The following MBTPS1 variants were observed in gnomAD, a reference collection of about 807,000 sequenced individuals.
MBTPS1 encodes membrane-bound transcription factor site-1 protease.
Under a neutral mutation model 127.8 loss-of-function variants are expected in MBTPS1, and 94 were observed. That is an observed-to-expected ratio of 0.74 (90% CI 0.62 to 0.87). The LOEUF (loss-of-function observed/expected upper bound fraction) is 0.87. Among genes scored for constraint, MBTPS1 ranks in the 40% least tolerant of loss-of-function variants. The probability of loss-of-function intolerance (pLI) is 0.00; values close to 1 mark genes in which losing one functional copy is unlikely to be tolerated. For synonymous variants in MBTPS1, 632 were observed against 509.4 expected, an observed-to-expected ratio of 1.24 and a Z score of -3.24; for missense variants, 1,636 against 1,353.2, an observed-to-expected ratio of 1.21 and a Z score of -3.28.
At chr16:84,099,687 G>C (rs1231774394) in intron 2 of MBTPS1, among the ~76,000 whole-genome samples, 3 of 150,748 alleles carry the variant, frequency 2.0e-5, no homozygotes, top group Non-Finnish European at 2.9e-5. Flanking sequence ...TAAGGCAGGA[G>C]AATCACTTGA....
At chr16:84,085,766 CTT>C (rs2086013562) in intron 9 of MBTPS1, among the ~76,000 whole-genome samples, 1 of 151,840 alleles carries the variant, frequency 6.6e-6, no homozygotes, top group African/African-American at 2.4e-5. Context: ...TGGACACTGG[CTT>C]ATCACCAAGA....
chr16:84,102,060 C>A lies in MBTPS1; in HGVS notation c.-277G>T. ...TGAGTCCTGTACTCCATTTGTACCACAGAACCAACGTCCAATGGGGTTGAT... is the reference window on the plus strand; with the variant it reads ...TGAGTCCTGTACTCCATTTGTACCAAAGAACCAACGTCCAATGGGGTTGAT... On this transcript the variant is annotated 5_prime_UTR_variant, in exon 2 of 23. Transcript: ENST00000343411. 3.0e-6 allele frequency: 1 copy of A among 330,328 alleles called. No individual in the cohort carries two copies. The allele number at this position is 330,328 out of a possible 1,614,324, so 20.5% of individuals were successfully genotyped here. A position where few individuals can be genotyped will look rare whatever the true frequency, so the allele number is the denominator to read the frequency against.
At position 84,093,225 on chromosome 16, in the gene MBTPS1, G is replaced by C. The variant is rs746329579; in HGVS notation, c.809C>G (p.Ala270Gly). 3 of 1,613,942 alleles carry C rather than the reference G, an allele frequency of 1.9e-6. No homozygotes were observed. The South Asian group carries it at 3.3e-5, about 18-fold the overall frequency. The change falls in exon 6 of 23, where the codon GCA (alanine) becomes GGA (glycine). Residue 270 changes from alanine (A) to glycine (G), a missense_variant. By Grantham distance (60) the Ala-to-Gly change is moderately conservative (BLOSUM62 0). Transcript: ENST00000343411. Reference sequence around the variant, plus strand: ...AAAGACCCTGAAAATGTGAAGTTCTGCATCTGGAGCAAATCCTTGGCACTC... The same window carrying C: ...AAAGACCCTGAAAATGTGAAGTTCTCCATCTGGAGCAAATCCTTGGCACTC... ...MRECQGFAPD[A>G]ELHIFRVFTN...
Position 84,066,607 on chromosome 16 carries a change from C to T in MBTPS1, c.2235G>A (p.Trp745Ter). The change falls in exon 17 of 23, where the codon TGG becomes TGA. Residue 745 changes from tryptophan to a stop codon, truncating the protein, a stop_gained. Coordinates refer to ENST00000343411, the MANE Select transcript of MBTPS1 (RefSeq NM_003791.4). LOFTEE classifies it high-confidence loss of function. The part of the protein sequence containing the change: ...VKFYDENTRQ[W>*]WMPDTGGANI... The stretch of plus-strand genomic sequence containing the variant: ...TAGCTCCTCCGGTATCCGGCATCCA[C>T]CACTGCCTGGGAAAGTGGTAACAGA... 6.2e-7 allele frequency: 1 copy of T among 1,614,022 alleles called. No homozygotes were observed. Among genetic ancestry groups the T allele is most frequent in the Non-Finnish European group, 8.5e-7 (1 of 1,179,940 alleles).
chr16:84,059,541 A>G, intron 20 of MBTPS1, 113 bp from the exon 21 acceptor site: 12 of 979,852 alleles, frequency 1.2e-5, no homozygotes, highest in Non-Finnish European at 1.8e-5. Context: ...CACAGCACAG[A>G]GCCCCTGTGC....
At chr16:84,062,746 G>C (rs1011933991) in intron 19 of MBTPS1, among the ~76,000 whole-genome samples, 2 of 152,158 alleles carry the variant, frequency 1.3e-5, no homozygotes, top group African/African-American at 4.8e-5. Context: ...GATGCATCGA[G>C]AGACTGACAT....
intron 11 of MBTPS1, among the ~76,000 whole-genome samples, chr16:84,081,012 A>C (rs1011181393): frequency 6.6e-6 from 1 of 152,220 alleles, no homozygotes; most frequent in Non-Finnish European, 1.5e-5. Context: ...GGACAATGAA[A>C]TCCAATGTGG....
intron 17 of MBTPS1, among the ~76,000 whole-genome samples, chr16:84,066,261 T>G (rs1016775657): frequency 6.6e-6 from 1 of 152,210 alleles, no homozygotes; most frequent in Admixed American, 6.5e-5. Flanking sequence ...AAGACTCTAA[T>G]AGGTGGCACT....
chr16:84,093,622 G>A (rs1475869003), intron 5 of MBTPS1, 89 bp downstream of exon 5: 1 of 954,080 alleles, frequency 1.0e-6, no homozygotes, highest in African/African-American at 1.6e-5. Flanking sequence ...GGGCTTGTCT[G>A]AATAATTGCT....
rs1208608928 is a variant in MBTPS1 at position 84,095,914 on chromosome 16, T to C, written c.422-109A>G. On this transcript the variant is annotated intron_variant, in intron 3 of 22. Coordinates refer to ENST00000343411, the MANE Select transcript of MBTPS1 (RefSeq NM_003791.4). ...GGGAGGATTACCATTTGCCACTCTG[T>C]TTGAAGGAAAGTGGGATTATCTTCT... 8 of 813,112 alleles carry C rather than the reference T, an allele frequency of 9.8e-6. No individual in the cohort carries two copies. In the Admixed American group the frequency reaches 1.6e-4, roughly 16 times the overall value. 50.4% of individuals were successfully genotyped at this position (813,112 alleles called of 1,614,324 possible).
chr16:84,069,816 C>T (rs2085743582), intron 14 of MBTPS1, 50 bp downstream of exon 14: 2 of 1,525,578 alleles, frequency 1.3e-6, no homozygotes, highest in Non-Finnish European at 1.8e-6. Flanking sequence ...GTGGTGCCTC[C>T]TCCCACCACG....
At chr16:84,059,530 A>C in intron 20 of MBTPS1, 102 bp from the exon 21 acceptor site, 1 of 1,108,914 alleles carries the variant, frequency 9.0e-7, no homozygotes, top group Non-Finnish European at 1.3e-6. Flanking sequence ...CTTTCCCACA[A>C]CACAGCACAG....
At chr16:84,065,606 C>T in intron 18 of MBTPS1, 84 bp downstream of exon 18, 1 of 883,972 alleles carries the variant, frequency 1.1e-6, no homozygotes, top group Non-Finnish European at 1.9e-6. Flanking sequence ...AAAAAAGAGA[C>T]AGAGATGAGA....
At chr16:84,054,869 T>C (rs1312918378) in intron 22 of MBTPS1, among the ~76,000 whole-genome samples, 2 of 144,352 alleles carry the variant, frequency 1.4e-5, no homozygotes, top group African/African-American at 5.2e-5. Context: ...GGAGGCTCGG[T>C]GGATCTCTGC....
At chr16:84,086,872 T>C (rs901618331) in intron 9 of MBTPS1, among the ~76,000 whole-genome samples, 1 of 152,234 alleles carries the variant, frequency 6.6e-6, no homozygotes, top group South Asian at 2.1e-4. Context: ...TTATTAACTG[T>C]AGCAGTTATT....
chr16:84,055,615 G>C (rs937463622), intron 22 of MBTPS1, among the ~76,000 whole-genome samples: 7 of 152,210 alleles, frequency 4.6e-5, no homozygotes, highest in Non-Finnish European at 1.0e-4. Flanking sequence ...TGAGGGCTGG[G>C]AGCCAGGGCG....
intron 19 of MBTPS1, chr16:84,061,447 GA>G (rs2085612261): frequency 6.6e-6 from 1 of 152,286 alleles, no homozygotes; most frequent in African/African-American, 2.4e-5. Flanking sequence ...CAGAGACAGT[GA>G]GACCATGTGA....
At chr16:84,100,460 C>T (rs1488504383) in intron 2 of MBTPS1, among the ~76,000 whole-genome samples, 2 of 152,002 alleles carry the variant, frequency 1.3e-5, no homozygotes, top group Non-Finnish European at 2.9e-5. Flanking sequence ...AGGAGAATCG[C>T]TTGAACCTGG....
chr16:84,090,734 T>A, intron 8 of MBTPS1, 141 bp downstream of exon 8: 1 of 654,318 alleles, frequency 1.5e-6, no homozygotes, highest in Non-Finnish European at 2.7e-6. Flanking sequence ...TAGTATTTTT[T>A]TACATGAGGA....
Sources: allele counts gnomAD v4.1 joint callset (sites outside exome capture counted in the v4.1 genomes callset), GRCh38; gene constraint gnomAD v4.1.1; transcripts MANE v1.5; gene names NCBI Gene and HGNC (gene_info 2026-07-23, HGNC 2026-07-21).